Variants in CHRM3 observed in about 807,000 individuals in gnomAD.
The protein encoded by CHRM3 is cholinergic receptor muscarinic 3.
A neutral mutation model predicts 41.8 loss-of-function variants in CHRM3; 11 were observed. The observed-to-expected ratio is 0.26, with a 90% CI of 0.17 to 0.44. CHRM3 has a LOEUF of 0.44. CHRM3 is among the 20% of genes least tolerant of loss of function. The pLI is 1.00. For missense variants in CHRM3, 571 were observed against 745.4 expected (o/e 0.77, Z 2.72); for synonymous variants, 297 against 301.4 (o/e 0.99, Z 0.15).
intron 1 of CHRM3, among the ~76,000 whole-genome samples, chr1:239,425,524 C>G (rs532309608): frequency 6.6e-6 from 1 of 152,032 alleles, no homozygotes; most frequent in African/African-American, 2.4e-5. Context: ...CCATTTGAAA[C>G]GGCACAACAC....
chr1:239,813,990 C>T (rs1355138724), intron 5 of CHRM3, among the ~76,000 whole-genome samples: 3 of 150,938 alleles, frequency 2.0e-5, no homozygotes, highest in African/African-American at 7.3e-5. Context: ...TATTTGCACC[C>T]AGATGTCACA....
rs1304759247 is a variant in CHRM3 at position 239,740,138 on chromosome 1, A to G, written c.-147+61850A>G. Among the ~76,000 whole-genome samples the G allele has an allele frequency of 5.3e-5, 8 of 152,090 alleles. No individual in the cohort carries two copies. In the East Asian group the frequency reaches 1.5e-3, roughly 29 times the overall value. ...CTCTTGCAAGGTCACTTCCTGTCAT[A>G]CAACCTTCCACTTCCTGTCATACAA... On this transcript the variant is annotated intron_variant, in intron 5 of 6. Transcript: ENST00000676153.
intron 3 of CHRM3, among the ~76,000 whole-genome samples, chr1:239,584,006 G>T (rs974151664): frequency 6.6e-5 from 10 of 151,978 alleles, no homozygotes; most frequent in Non-Finnish European, 8.8e-5. Flanking sequence ...CTGGGGGAAC[G>T]CAGGAGTCCT....
intron 1 of CHRM3, among the ~76,000 whole-genome samples, chr1:239,393,355 CA>C (rs1279628700): frequency 5.9e-5 from 9 of 152,118 alleles, no homozygotes; most frequent in Admixed American, 5.9e-4. Context: ...AGTCTAAAAG[CA>C]CAACTTCTGT....
chr1:239,737,070 C>T (rs983512078), intron 5 of CHRM3, among the ~76,000 whole-genome samples: 1 of 152,088 alleles, frequency 6.6e-6, no homozygotes, highest in African/African-American at 2.4e-5. Flanking sequence ...AGTAAGTATA[C>T]ATGTGACTTA....
intron 5 of CHRM3, among the ~76,000 whole-genome samples, chr1:239,783,882 C>A (rs1668693302): frequency 6.6e-6 from 1 of 152,064 alleles, no homozygotes; most frequent in Non-Finnish European, 1.5e-5. Context: ...CTGTGGTAGT[C>A]CCCAGTGACT....
At chr1:239,710,290 TG>T (rs1231309697) in intron 5 of CHRM3, among the ~76,000 whole-genome samples, 1 of 152,192 alleles carries the variant, frequency 6.6e-6, no homozygotes, top group Non-Finnish European at 1.5e-5. Flanking sequence ...TGTGTTTGTA[TG>T]TATATAACTA....
intron 6 of CHRM3, among the ~76,000 whole-genome samples, chr1:239,828,131 C>T (rs1470831115): frequency 6.6e-6 from 1 of 152,150 alleles, no homozygotes; most frequent in Non-Finnish European, 1.5e-5. Context: ...AAAAGAAATA[C>T]ACGCACACAA....
At chr1:239,860,131 C>T (rs1018292877) in intron 6 of CHRM3, among the ~76,000 whole-genome samples, 3 of 152,100 alleles carry the variant, frequency 2.0e-5, no homozygotes, top group Non-Finnish European at 4.4e-5. Flanking sequence ...TAGAATTTCT[C>T]AGGGAGTTGG....
chr1:239,494,378 C>T (rs1667747231), intron 2 of CHRM3, among the ~76,000 whole-genome samples: 1 of 152,088 alleles, frequency 6.6e-6, no homozygotes, highest in Non-Finnish European at 1.5e-5. Flanking sequence ...AAAACAAGTC[C>T]TACCAATCTC....
intron 5 of CHRM3, among the ~76,000 whole-genome samples, chr1:239,809,156 A>T (rs1670909542): frequency 1.4e-5 from 2 of 147,066 alleles, no homozygotes; most frequent in African/African-American, 5.1e-5. Flanking sequence ...AGTAGCTGGG[A>T]CTACAGGCAC....
At chr1:239,718,208 C>A (rs561667540) in intron 5 of CHRM3, among the ~76,000 whole-genome samples, 1 of 151,912 alleles carries the variant, frequency 6.6e-6, no homozygotes, top group East Asian at 1.9e-4. Context: ...TTGAACACTG[C>A]GCAGAAGGTA....
chr1:239,824,983 C>A (rs1215945932), intron 5 of CHRM3, among the ~76,000 whole-genome samples: 2 of 152,214 alleles, frequency 1.3e-5, no homozygotes, highest in Non-Finnish European at 2.9e-5. Flanking sequence ...TCATCCTTAG[C>A]AGTTCATGCA....
In CHRM3 at chr1:239,658,914, T is replaced by C. The variant is rs111351485; in HGVS notation, c.-249-19272T>C. Among the ~76,000 whole-genome samples the C allele has an allele frequency of 4.5e-3, 679 of 152,194 alleles. 6 individuals are homozygous for C. Among genetic ancestry groups the C allele is most frequent in the African/African-American group, 0.015 (609 of 41,502 alleles). On this transcript the variant is annotated intron_variant, in intron 4 of 6. Coordinates refer to ENST00000676153, the MANE Select transcript of CHRM3 (RefSeq NM_001375978.1). ...CCACCACACCTGGCTATTTTTTGTA[T>C]TTTTAGTAGAGACGGGTGTCACCGT...
chr1:239,864,958 C>T (rs1675964408), intron 6 of CHRM3, among the ~76,000 whole-genome samples: 2 of 152,056 alleles, frequency 1.3e-5, no homozygotes, highest in South Asian at 2.1e-4. Flanking sequence ...AAGGTGACAA[C>T]ATCTATCACA....
chr1:239,769,675 A>G (rs1572235202), intron 5 of CHRM3, among the ~76,000 whole-genome samples: 1 of 149,314 alleles, frequency 6.7e-6, no homozygotes, highest in Admixed American at 6.8e-5. Flanking sequence ...TGAAGTGAGG[A>G]GTTCAGGGCC....
chr1:239,768,044 G>A lies in CHRM3; in HGVS notation c.-146-59208G>A, dbSNP rs183548149. Among the ~76,000 whole-genome samples, 115 of 152,126 alleles carry A rather than the reference G, an allele frequency of 7.6e-4. 1 individual carries two copies. The highest frequency in any genetic ancestry group is 2.7e-3 in the African/African-American group (110 of 41,490). ...AATTCCAGAGTATGTCAATAGATAC[G>A]ATTAAAACAACAACAACAATAAAAT... On this transcript the variant is annotated intron_variant, in intron 5 of 6. Coordinates refer to ENST00000676153, the MANE Select transcript of CHRM3 (RefSeq NM_001375978.1).
chr1:239,729,255 CA>C (rs574885982), intron 5 of CHRM3, among the ~76,000 whole-genome samples: 516 of 151,884 alleles, frequency 3.4e-3, no homozygotes, highest in Non-Finnish European at 5.8e-3. Context: ...GTTGAGTGAA[CA>C]TTTTTTTAAT....
At chr1:239,802,212 C>G (rs902955906) in intron 5 of CHRM3, among the ~76,000 whole-genome samples, 1 of 151,996 alleles carries the variant, frequency 6.6e-6, no homozygotes, top group African/African-American at 2.4e-5. Flanking sequence ...TTGGTAGATC[C>G]CAGGGTATGC....
Sources: allele counts gnomAD v4.1 joint callset (sites outside exome capture counted in the v4.1 genomes callset), GRCh38; gene constraint gnomAD v4.1.1; transcripts MANE v1.5; gene names NCBI Gene and HGNC (gene_info 2026-07-23, HGNC 2026-07-21).